STRN3: variants seen among roughly 807,000 people sequenced by gnomAD.
STRN3 encodes the protein striatin 3.
Under a neutral mutation model 95.6 loss-of-function variants are expected in STRN3, and 29 were observed. The ratio of observed to expected loss-of-function variants is 0.30; its 90% CI spans 0.23 to 0.41. The LOEUF (loss-of-function observed/expected upper bound fraction) is 0.41. Ranked by LOEUF, STRN3 falls within the 10% of genes least tolerant of loss-of-function variation. STRN3 has a pLI of 1.00. For synonymous variants in STRN3, 331 were observed against 357.6 expected (o/e 0.93, Z 0.84); for missense variants, 890 against 972.1 (o/e 0.92, Z 1.12).
At position 30,907,006 on chromosome 14, in the gene STRN3, C is replaced by A; in HGVS notation, c.1759G>T (p.Asp587Tyr). 6.2e-7 allele frequency: 1 copy of A among 1,613,722 alleles called. No individual in the cohort carries two copies. Among genetic ancestry groups the A allele is most frequent in the Non-Finnish European group, 8.5e-7 (1 of 1,179,836 alleles). ...VLAGTLVGHT[D>Y]AVWGLAYSGI... Reference sequence around the variant, plus strand: ...CTATAAGCAAGACCCCAAACTGCATCTGTATGACCAACTAAAGTGCCAGCT... The same window carrying A: ...CTATAAGCAAGACCCCAAACTGCATATGTATGACCAACTAAAGTGCCAGCT... The change falls in exon 14 of 18, where the codon GAT becomes TAT. Residue 587 changes from aspartate to tyrosine, a missense_variant. Asp to Tyr is a radical substitution (Grantham distance 160). Coordinates refer to ENST00000357479, the MANE Select transcript of STRN3 (RefSeq NM_001083893.2).
rs74041092 is a variant in STRN3 at position 30,986,117 on chromosome 14, T to G, written c.283-29875A>C. ...GAGAATGATCTTTCTATGAAAGGAG[T>G]GAAGGTATAAAAGTTCCCTCTTCAT... On this transcript the variant is annotated intron_variant, in intron 1 of 17. Transcript: ENST00000357479. 3.8e-3 allele frequency among the ~76,000 whole-genome samples: 574 copies of G among 152,140 alleles called. 2 individuals are homozygous for G. Among genetic ancestry groups the G allele is most frequent in the African/African-American group, 0.013 (539 of 41,500 alleles).
intron 9 of STRN3, among the ~76,000 whole-genome samples, chr14:30,916,825 C>A (rs1345303744): frequency 6.6e-6 from 1 of 152,122 alleles, no homozygotes; most frequent in East Asian, 1.9e-4. Context: ...AATACAAGGT[C>A]TTTTTCAGAC....
intron 1 of STRN3, among the ~76,000 whole-genome samples, chr14:30,997,298 G>A (rs1479233163): frequency 6.6e-6 from 1 of 152,142 alleles, no homozygotes; most frequent in Non-Finnish European, 1.5e-5. Flanking sequence ...CCAATTCTTA[G>A]AGACAGCAAG....
intron 1 of STRN3, among the ~76,000 whole-genome samples, chr14:31,020,246 C>T (rs773242991): frequency 3.0e-4 from 46 of 152,156 alleles, no homozygotes; most frequent in Non-Finnish European, 5.3e-4. Context: ...TGCCTGTAAT[C>T]CTAGCACTTT....
At chr14:30,933,270 C>T (rs1448530832) in intron 7 of STRN3, among the ~76,000 whole-genome samples, 1 of 112,234 alleles carries the variant, frequency 8.9e-6, no homozygotes, top group Non-Finnish European at 1.8e-5. Flanking sequence ...TAAAGCGAGA[C>T]CCTGTTTCAT....
At chr14:30,981,497 A>T (rs1325389764) in intron 1 of STRN3, among the ~76,000 whole-genome samples, 1 of 152,108 alleles carries the variant, frequency 6.6e-6, no homozygotes, top group African/African-American at 2.4e-5. Context: ...ACATAAAGCA[A>T]AAAATACAAA....
intron 5 of STRN3, among the ~76,000 whole-genome samples, chr14:30,945,961 T>C (rs953174729): frequency 6.6e-6 from 1 of 152,170 alleles, no homozygotes; most frequent in African/African-American, 2.4e-5. Context: ...TTCTAAAAAC[T>C]ATTAAATCGT....
chr14:30,960,231 G>C (rs1333511238), intron 1 of STRN3, among the ~76,000 whole-genome samples: 1 of 152,136 alleles, frequency 6.6e-6, no homozygotes, highest in African/African-American at 2.4e-5. Context: ...GCATACACCT[G>C]TAGTCCCATC....
At chr14:30,967,702 A>G (rs1880602485) in intron 1 of STRN3, among the ~76,000 whole-genome samples, 1 of 152,244 alleles carries the variant, frequency 6.6e-6, no homozygotes, top group African/African-American at 2.4e-5. Flanking sequence ...CCAGTTCAGA[A>G]CTATCCTAAG....
At position 30,956,293 on chromosome 14, in the gene STRN3, G is replaced by A. The variant is rs534936211; in HGVS notation, c.283-51C>T. Reference sequence around the variant, plus strand: ...TTACATTTTCCCTTAACCATACATAGGAAACTGAAAAATGGAAAACGATAA... The same window carrying A: ...TTACATTTTCCCTTAACCATACATAAGAAACTGAAAAATGGAAAACGATAA... On this transcript the variant is annotated intron_variant, in intron 1 of 17. Coordinates refer to ENST00000357479, the MANE Select transcript of STRN3 (RefSeq NM_001083893.2). The A allele has an allele frequency of 2.0e-6, 3 of 1,531,726 alleles. No homozygotes were observed. The African/African-American group carries it at 4.1e-5, about 21-fold the overall frequency. 94.9% of individuals were successfully genotyped at this position (1,531,726 alleles called of 1,614,324 possible). A position where few individuals can be genotyped will look rare whatever the true frequency, so the allele number is the denominator to read the frequency against.
At chr14:31,017,493 C>T (rs942374760) in intron 1 of STRN3, among the ~76,000 whole-genome samples, 33 of 148,748 alleles carry the variant, frequency 2.2e-4, no homozygotes, top group African/African-American at 7.7e-4. Flanking sequence ...AGCGAGACTC[C>T]GTCTCAAAAA....
intron 16 of STRN3, 49 bp from the exon 17 acceptor site, chr14:30,895,797 T>G (rs1896128805): frequency 6.7e-7 from 1 of 1,502,590 alleles, no homozygotes; most frequent in Non-Finnish European, 9.1e-7. Context: ...AAATACTAAC[T>G]CGAGACAACA....
intron 1 of STRN3, among the ~76,000 whole-genome samples, chr14:31,018,027 G>A (rs1052120523): frequency 3.3e-5 from 5 of 150,768 alleles, no homozygotes; most frequent in East Asian, 2.0e-4. Context: ...ACAGTGAGCC[G>A]GGATTGCGCC....
In STRN3 at chr14:30,933,781, A is replaced by G. The variant is rs373284383; in HGVS notation, c.988+1382T>C. Among the ~76,000 whole-genome samples, 54 of 152,350 alleles carry G rather than the reference A, an allele frequency of 3.5e-4. No homozygotes were observed. In the South Asian group the frequency reaches 0.011, roughly 30 times the overall value. On this transcript the variant is annotated intron_variant, in intron 7 of 17. Coordinates refer to ENST00000357479, the MANE Select transcript of STRN3 (RefSeq NM_001083893.2). The stretch of plus-strand genomic sequence containing the variant: ...AGTGAAGGTCTGAAAATAATGCTTG[A>G]GAATTATAATAAGAAAATTGGTGGC...
At chr14:30,973,807 A>G (rs1257798722) in intron 1 of STRN3, among the ~76,000 whole-genome samples, 1 of 152,256 alleles carries the variant, frequency 6.6e-6, no homozygotes, top group Non-Finnish European at 1.5e-5. Context: ...TAATGAAAGT[A>G]TAATTCAACA....
At chr14:30,901,635 C>A (rs1043888335) in intron 16 of STRN3, among the ~76,000 whole-genome samples, 45 of 152,090 alleles carry the variant, frequency 3.0e-4, no homozygotes, top group African/African-American at 1.0e-3. Flanking sequence ...GCTGTCAGAC[C>A]TTTCCTGAAA....
intron 1 of STRN3, among the ~76,000 whole-genome samples, chr14:31,000,579 GTAA>G (rs1169739485): frequency 6.6e-6 from 1 of 151,668 alleles, no homozygotes; most frequent in Non-Finnish European, 1.5e-5. Flanking sequence ...TAAAAGGCTA[GTAA>G]TGATGAATGA....
rs551417095 is a variant in STRN3, at chr14:30,962,446, T to G, written c.283-6204A>C. On this transcript the variant is annotated intron_variant, in intron 1 of 17. Transcript: ENST00000357479. ...AGAGACAATGCCACAGGCCTACAAA[T>G]TCAATCACCACTCACTGACTCAACC... Among the ~76,000 whole-genome samples the G allele has an allele frequency of 3.3e-5, 5 of 152,288 alleles. No individual in the cohort carries two copies. In the South Asian group the frequency reaches 8.3e-4, roughly 25 times the overall value.
chr14:30,899,486 C>A (rs766377997), intron 16 of STRN3, among the ~76,000 whole-genome samples: 1 of 152,198 alleles, frequency 6.6e-6, no homozygotes, highest in Admixed American at 6.5e-5. Flanking sequence ...GGTTCCTACA[C>A]ATACAGCATA....
Sources: allele counts gnomAD v4.1 joint callset (sites outside exome capture counted in the v4.1 genomes callset), GRCh38; gene constraint gnomAD v4.1.1; transcripts MANE v1.5; gene names NCBI Gene and HGNC (gene_info 2026-07-23, HGNC 2026-07-21).